The following CREG2 variants were observed in gnomAD, a reference collection of about 807,000 sequenced individuals.
The protein encoded by CREG2 is cellular repressor of E1A stimulated genes 2, also known as protein CREG2.
A neutral mutation model predicts 26.2 loss-of-function variants in CREG2; 24 were observed. That is an observed-to-expected ratio of 0.92 (90% CI 0.66 to 1.29). CREG2 has a LOEUF of 1.29. Ranked by LOEUF, CREG2 falls within the 50% of genes most tolerant of loss-of-function variation. CREG2 has a pLI of 0.00. For synonymous variants in CREG2, 174 were observed against 169.2 expected, an observed-to-expected ratio of 1.03 and a Z score of -0.22; for missense variants, 366 against 398.6, an observed-to-expected ratio of 0.92 and a Z score of 0.70.
intron 2 of CREG2, among the ~76,000 whole-genome samples, chr2:101,371,489 G>C: frequency 6.6e-6 from 1 of 152,178 alleles, no homozygotes; most frequent in East Asian, 1.9e-4. Context: ...CAGAGAGCAG[G>C]ATATGGTCAT....
At chr2:101,354,691 C>T (rs6735367) in intron 3 of CREG2, among the ~76,000 whole-genome samples, 102,279 of 151,960 alleles carry the variant, frequency 0.67, 36,298 homozygotes, top group South Asian at 0.78. Flanking sequence ...GCTGGGCCCC[C>T]CTCTCACTTG....
Position 101,387,165 on chromosome 2 carries a change from G to A in CREG2, c.293C>T (p.Pro98Leu). ...RAGAARARPP[P>L]APPGMFSYRR... ...GTAGGAGAACATCCCGGGTGGCGCG[G>A]GGGGCGGCCTGGCCCGGGCGGCGCC... The change falls in exon 1 of 4, where the codon CCC (proline) becomes CTC (leucine). Residue 98 changes from proline to leucine, a missense_variant. By Grantham distance (98) the Pro-to-Leu change is moderately conservative (BLOSUM62 -3). Transcript: ENST00000324768. This position sits in a 1 kb window ranked among gnomAD's most constrained non-coding sequence, Gnocchi z 4.7. The A allele has an allele frequency of 7.8e-7, 1 of 1,278,048 alleles. No homozygotes were observed. The highest frequency in any genetic ancestry group is 9.9e-7 in the Non-Finnish European group (1 of 1,010,580). 79.2% of individuals were successfully genotyped at this position (1,278,048 alleles called of 1,614,324 possible).
chr2:101,381,760 C>T (rs1207310083), intron 2 of CREG2, among the ~76,000 whole-genome samples: 4 of 152,306 alleles, frequency 2.6e-5, no homozygotes, highest in Admixed American at 6.5e-5. Flanking sequence ...GGGGTGCTCA[C>T]CTCCAGCCTC....
Position 101,387,023 on chromosome 2 carries a change from G to A in CREG2, c.435C>T (p.His145=). 1 of 1,232,262 alleles carries A rather than the reference G, an allele frequency of 8.1e-7. No individual in the cohort carries two copies. The highest frequency in any genetic ancestry group is 1.0e-6 in the Non-Finnish European group (1 of 988,678). 76.3% of individuals were successfully genotyped at this position (1,232,262 alleles called of 1,614,324 possible). Residue 145 remains histidine, a synonymous_variant, in exon 1 of 4, where the codon CAC becomes CAT. Transcript: ENST00000324768. This position sits in a 1 kb window ranked among gnomAD's most constrained non-coding sequence, Gnocchi z 4.7. ...VWGCLATVST[H]KKIQGLPFGN... ...CTCCCCGCCGGGCGCTCACCTTCTT[G>A]TGGGTGGACACGGTGGCCAGGCAGC...
At chr2:101,364,493 G>C (rs1684591198) in intron 2 of CREG2, among the ~76,000 whole-genome samples, 1 of 152,240 alleles carries the variant, frequency 6.6e-6, no homozygotes, top group Non-Finnish European at 1.5e-5. Flanking sequence ...TTTCGACTTA[G>C]TGGAGGGAGA....
At chr2:101,367,538 T>C (rs957277434) in intron 2 of CREG2, among the ~76,000 whole-genome samples, 9 of 152,226 alleles carry the variant, frequency 5.9e-5, no homozygotes, top group Admixed American at 1.3e-4. Flanking sequence ...TATCTCCAGT[T>C]GCACATCCAT....
intron 2 of CREG2, among the ~76,000 whole-genome samples, chr2:101,360,275 C>A (rs1009995095): frequency 5.3e-5 from 8 of 152,162 alleles, no homozygotes; most frequent in African/African-American, 1.9e-4. Flanking sequence ...AAATACTAAA[C>A]CTCCTGAAAA....
At chr2:101,366,448 T>C (rs2104476692) in intron 2 of CREG2, among the ~76,000 whole-genome samples, 1 of 152,210 alleles carries the variant, frequency 6.6e-6, no homozygotes, top group South Asian at 2.1e-4. Flanking sequence ...TCCACATCCA[T>C]GGATTTTTGC....
At chr2:101,367,882 A>G (rs943161346) in intron 2 of CREG2, among the ~76,000 whole-genome samples, 3 of 152,208 alleles carry the variant, frequency 2.0e-5, no homozygotes, top group African/African-American at 7.2e-5. Context: ...AGGAGCTGAA[A>G]AGGCAAGGAA....
chr2:101,373,196 G>A (rs1419432867), intron 2 of CREG2, among the ~76,000 whole-genome samples: 2 of 151,966 alleles, frequency 1.3e-5, no homozygotes, highest in Non-Finnish European at 2.9e-5. Flanking sequence ...GCCAAAACAT[G>A]GAAACAAATG....
At chr2:101,362,881 G>C (rs1684563716) in intron 2 of CREG2, among the ~76,000 whole-genome samples, 1 of 152,100 alleles carries the variant, frequency 6.6e-6, no homozygotes, top group Admixed American at 6.5e-5. Context: ...TGGCCATCTG[G>C]GGAGCCCAGA....
At chr2:101,354,968 G>A (rs1334806838) in intron 3 of CREG2, among the ~76,000 whole-genome samples, 1 of 152,080 alleles carries the variant, frequency 6.6e-6, no homozygotes, top group Non-Finnish European at 1.5e-5. Context: ...TGTTGACGAG[G>A]AAGGCTCAGC....
intron 1 of CREG2, among the ~76,000 whole-genome samples, chr2:101,385,593 G>A (rs1684957523): frequency 6.6e-6 from 1 of 152,162 alleles, no homozygotes; most frequent in African/African-American, 2.4e-5. Flanking sequence ...TCAGAATTCA[G>A]GGGTTGTCTT....
intron 2 of CREG2, among the ~76,000 whole-genome samples, chr2:101,380,159 G>T (rs1284319097): frequency 6.6e-6 from 1 of 151,900 alleles, no homozygotes; most frequent in East Asian, 1.9e-4. Flanking sequence ...TATTAAACAC[G>T]TACACATTAT....
chr2:101,384,251 T>C (rs1346209565), intron 1 of CREG2, among the ~76,000 whole-genome samples: 1 of 152,256 alleles, frequency 6.6e-6, no homozygotes, highest in African/African-American at 2.4e-5. Context: ...GCATTTTTTA[T>C]TGTAATCAAT....
In CREG2 at chr2:101,349,575, C is replaced by G. The variant is rs1684347811; in HGVS notation, c.*1348G>C. ...AGACAGAAAACTTGGGACAGCTCAA[C>G]CCTTTATAGGTTTTAATGATCAGAG... On this transcript the variant is annotated 3_prime_UTR_variant, in exon 4 of 4. Transcript: ENST00000324768. 6.6e-6 allele frequency: 1 copy of G among 152,650 alleles called. No individual in the cohort carries two copies. Among genetic ancestry groups the G allele is most frequent in the African/African-American group, 2.4e-5 (1 of 41,538 alleles). 9.5% of individuals were successfully genotyped at this position (152,650 alleles called of 1,614,324 possible).
At chr2:101,385,188 T>A (rs1684947111) in intron 1 of CREG2, among the ~76,000 whole-genome samples, 1 of 152,180 alleles carries the variant, frequency 6.6e-6, no homozygotes, top group African/African-American at 2.4e-5. Flanking sequence ...TTAGTATTAT[T>A]ATTTTTTTGA....
chr2:101,374,553 C>T (rs1430128673), intron 2 of CREG2, among the ~76,000 whole-genome samples: 4 of 152,176 alleles, frequency 2.6e-5, no homozygotes, highest in Admixed American at 1.3e-4. Flanking sequence ...TTTCTATAAC[C>T]GATTAGGTCT....
intron 2 of CREG2, among the ~76,000 whole-genome samples, chr2:101,357,908 C>T (rs778965831): frequency 7.5e-5 from 11 of 146,926 alleles, no homozygotes; most frequent in East Asian, 2.1e-4. Context: ...TCCTGGGAGG[C>T]GGAGCTTGCA....
Sources: allele counts gnomAD v4.1 joint callset (sites outside exome capture counted in the v4.1 genomes callset), GRCh38; gene constraint gnomAD v4.1.1; non-coding constraint Gnocchi (gnomAD v3.1); transcripts MANE v1.5; gene names NCBI Gene and HGNC (gene_info 2026-07-23, HGNC 2026-07-21).